The following OTUD7A variants were observed in gnomAD, a reference collection of about 807,000 sequenced individuals.
OTUD7A encodes the protein OTU domain-containing protein 7A.
A neutral mutation model predicts 65.7 loss-of-function variants in OTUD7A; 12 were observed. That is an observed-to-expected ratio of 0.18 (90% CI 0.12 to 0.30). The LOEUF (loss-of-function observed/expected upper bound fraction) is 0.30. OTUD7A is among the 10% of genes least tolerant of loss of function. The pLI is 1.00. For synonymous variants in OTUD7A, 641 were observed against 586.3 expected, an observed-to-expected ratio of 1.09 and a Z score of -1.35; for missense variants, 1,148 against 1,304.8, an observed-to-expected ratio of 0.88 and a Z score of 1.85.
chr15:31,579,899 G>A (rs898604078), intron 3 of OTUD7A, among the ~76,000 whole-genome samples: 3 of 152,158 alleles, frequency 2.0e-5, no homozygotes, highest in African/African-American at 7.2e-5. Flanking sequence ...CCATTACTTG[G>A]AGCCCAACGC....
At chr15:31,620,227 T>C (rs963519174) in intron 3 of OTUD7A, among the ~76,000 whole-genome samples, 8 of 152,258 alleles carry the variant, frequency 5.3e-5, no homozygotes, top group African/African-American at 1.9e-4. Context: ...TCTAAAATTC[T>C]CTTTTTTGTG....
chr15:31,603,872 T>C (rs1043131329), intron 3 of OTUD7A, among the ~76,000 whole-genome samples: 3 of 152,044 alleles, frequency 2.0e-5, no homozygotes, highest in African/African-American at 7.2e-5. Flanking sequence ...ATTAGAGAAA[T>C]GCAAATCAAA....
At chr15:31,775,227 A>C (rs1426587906) in intron 1 of OTUD7A, among the ~76,000 whole-genome samples, 1 of 152,180 alleles carries the variant, frequency 6.6e-6, no homozygotes. Flanking sequence ...TCAAGAAAAT[A>C]AAATGCCAAA....
rs549668955 is a variant in OTUD7A at position 31,675,381 on chromosome 15, C to T, written c.-99-18304G>A. On this transcript the variant is annotated intron_variant, in intron 1 of 12. Coordinates refer to ENST00000307050, the MANE Select transcript of OTUD7A (RefSeq NM_001382637.1). ...TCTTGTTAAATCTGCCATAATGTCT[C>T]CTCTCTGTTACTAACAGCCAAACAT... Among the ~76,000 whole-genome samples the T allele has an allele frequency of 2.0e-5, 3 of 152,246 alleles. No homozygotes were observed. The South Asian group carries it at 6.2e-4, about 32-fold the overall frequency.
intron 1 of OTUD7A, among the ~76,000 whole-genome samples, chr15:31,803,505 G>T (rs1896188893): frequency 6.6e-6 from 1 of 152,160 alleles, no homozygotes; most frequent in Non-Finnish European, 1.5e-5. Context: ...AGGCTCAGGG[G>T]TGCCTCTGCC....
chr15:31,827,444 C>T (rs1054946493), intron 1 of OTUD7A, among the ~76,000 whole-genome samples: 4 of 152,170 alleles, frequency 2.6e-5, no homozygotes, highest in Non-Finnish European at 5.9e-5. Flanking sequence ...CAGGTCCCTC[C>T]CACAACACGT....
chr15:31,553,008 G>A (rs770235035), intron 5 of OTUD7A, among the ~76,000 whole-genome samples: 6 of 152,152 alleles, frequency 3.9e-5, no homozygotes, highest in Non-Finnish European at 7.4e-5. Context: ...AGAGCTATAA[G>A]GAGAAGGGGA....
At chr15:31,589,124 T>G (rs899123981) in intron 3 of OTUD7A, among the ~76,000 whole-genome samples, 1 of 152,320 alleles carries the variant, frequency 6.6e-6, no homozygotes, top group South Asian at 2.1e-4. Context: ...TTGAAAAAGA[T>G]GTATGCTACA....
At chr15:31,638,614 C>T (rs186991392) in intron 3 of OTUD7A, among the ~76,000 whole-genome samples, 39 of 150,640 alleles carry the variant, frequency 2.6e-4, no homozygotes, top group Non-Finnish European at 5.3e-4. Context: ...CCAAGCTGGT[C>T]TGGAACTCTG....
At chr15:31,601,996 T>C (rs1032820844) in intron 3 of OTUD7A, among the ~76,000 whole-genome samples, 14 of 152,098 alleles carry the variant, frequency 9.2e-5, no homozygotes, top group Non-Finnish European at 1.8e-4. Flanking sequence ...CAGGAACAGA[T>C]AGATTCACAG....
chr15:31,827,034 C>T (rs944177668), intron 1 of OTUD7A, among the ~76,000 whole-genome samples: 9 of 152,192 alleles, frequency 5.9e-5, no homozygotes, highest in South Asian at 4.1e-4. Flanking sequence ...CTGTCTTCTT[C>T]GGAGCCCTCC....
chr15:31,559,168 C>T lies in OTUD7A; in HGVS notation c.351G>A (p.Gly117=). The T allele has an allele frequency of 6.2e-7, 1 of 1,613,416 alleles. No homozygotes were observed. Among genetic ancestry groups the T allele is most frequent in the Non-Finnish European group, 8.5e-7 (1 of 1,179,442 alleles). ...CGATGGCTGAGCTGGCGTGGGAAAT[C>T]CCCCGGGAAAGCCGCTTTTCTGCAG... ...DIAQEKRLSR[G]ISHASSAIVS... The change falls in exon 5 of 13, where the codon GGG becomes GGA. Residue 117 remains glycine (G), a synonymous_variant. Coordinates refer to ENST00000307050, the MANE Select transcript of OTUD7A (RefSeq NM_001382637.1).
At chr15:31,505,732 G>T (rs2041551087) in intron 8 of OTUD7A, among the ~76,000 whole-genome samples, 1 of 139,118 alleles carries the variant, frequency 7.2e-6, no homozygotes, top group Non-Finnish European at 1.5e-5. Context: ...AGCGAACAAG[G>T]TGAGAATTGA....
chr15:31,761,341 A>T (rs533017320), intron 1 of OTUD7A, among the ~76,000 whole-genome samples: 2 of 152,288 alleles, frequency 1.3e-5, no homozygotes, highest in South Asian at 4.1e-4. Flanking sequence ...AAACACAAAT[A>T]ACCAATAAAA....
chr15:31,502,465 T>G (rs984791653), intron 9 of OTUD7A, among the ~76,000 whole-genome samples: 1 of 152,202 alleles, frequency 6.6e-6, no homozygotes, highest in African/African-American at 2.4e-5. Context: ...ATGAAACGTC[T>G]TTACTTTTGG....
intron 1 of OTUD7A, among the ~76,000 whole-genome samples, chr15:31,702,621 A>G (rs1438570304): frequency 6.6e-6 from 1 of 151,974 alleles, no homozygotes; most frequent in African/African-American, 2.4e-5. Context: ...TAAATGTAGA[A>G]ACATACTGTG....
intron 1 of OTUD7A, among the ~76,000 whole-genome samples, chr15:31,793,183 G>A (rs537998228): frequency 4.6e-5 from 7 of 152,206 alleles, no homozygotes; most frequent in Admixed American, 1.3e-4. Context: ...CTGATAATGC[G>A]GCAGAACTTG....
At chr15:31,548,929 G>A (rs1315210070) in intron 5 of OTUD7A, among the ~76,000 whole-genome samples, 8 of 151,880 alleles carry the variant, frequency 5.3e-5, no homozygotes, top group African/African-American at 1.5e-4. Context: ...TGAGGCCAGG[G>A]GTTCAAGACC....
At chr15:31,590,340 C>T (rs1889683097) in intron 3 of OTUD7A, among the ~76,000 whole-genome samples, 1 of 152,134 alleles carries the variant, frequency 6.6e-6, no homozygotes, top group Non-Finnish European at 1.5e-5. Context: ...AATCACATGT[C>T]TCATAAGGTA....
Sources: allele counts gnomAD v4.1 joint callset (sites outside exome capture counted in the v4.1 genomes callset), GRCh38; gene constraint gnomAD v4.1.1; transcripts MANE v1.5; gene names NCBI Gene and HGNC (gene_info 2026-07-23, HGNC 2026-07-21).